Variants in VWA3B observed in about 807,000 individuals in gnomAD.
The protein encoded by VWA3B is von Willebrand factor A domain-containing protein 3B.
A neutral mutation model predicts 158.3 loss-of-function variants in VWA3B; 138 were observed. The observed-to-expected ratio is 0.87, with a 90% CI of 0.76 to 1.00. The LOEUF (loss-of-function observed/expected upper bound fraction) is 1.00. Ranked by LOEUF, VWA3B falls within the 50% of genes least tolerant of loss-of-function variation. The pLI, the probability that VWA3B is intolerant of heterozygous loss-of-function variation, is 0.00. For missense variants in VWA3B, 1,555 were observed against 1,565.1 expected, an observed-to-expected ratio of 0.99 and a Z score of 0.11; for synonymous variants, 596 against 587.3, an observed-to-expected ratio of 1.01 and a Z score of -0.21.
chr2:98,115,513 A>T, intron 2 of VWA3B, 139 bp from the exon 3 acceptor site: 1 of 649,258 alleles, frequency 1.5e-6, no homozygotes, highest in Non-Finnish European at 2.7e-6. Context: ...CATGATTTAG[A>T]ACAGAATAGA....
In VWA3B at chr2:98,303,683, T is replaced by C; in HGVS notation, c.3421-19T>C. 1 of 1,609,340 alleles carries C rather than the reference T, an allele frequency of 6.2e-7. No individual in the cohort carries two copies. Among genetic ancestry groups the C allele is most frequent in the South Asian group, 1.1e-5 (1 of 90,968 alleles). On this transcript the variant is annotated intron_variant, in intron 25 of 27. Coordinates refer to ENST00000477737, the MANE Select transcript of VWA3B (RefSeq NM_144992.5). ...CATTTCTGATTTAAGTTGAGTGAAC[T>C]CTGTTGGTATTATTACAGGAATTTT...
chr2:98,177,847 C>T (rs1428449939), intron 8 of VWA3B, among the ~76,000 whole-genome samples: 2 of 152,084 alleles, frequency 1.3e-5, no homozygotes, highest in African/African-American at 4.8e-5. Flanking sequence ...TGAATTTATA[C>T]TTGATAGAGG....
chr2:98,161,530 T>C (rs1678578611), intron 7 of VWA3B, among the ~76,000 whole-genome samples: 1 of 152,226 alleles, frequency 6.6e-6, no homozygotes, highest in South Asian at 2.1e-4. Flanking sequence ...CAGAAGGATG[T>C]GCTGAGATGA....
At chr2:98,159,924 C>A (rs1055922583) in intron 7 of VWA3B, among the ~76,000 whole-genome samples, 8 of 151,452 alleles carry the variant, frequency 5.3e-5, no homozygotes, top group African/African-American at 1.9e-4. Context: ...GCACAAGAAT[C>A]GCTTTAACCT....
At chr2:98,230,291 T>C in intron 16 of VWA3B, 84 bp downstream of exon 16, 1 of 1,326,746 alleles carries the variant, frequency 7.5e-7, no homozygotes, top group East Asian at 2.6e-5. Context: ...CACATAATAT[T>C]TTTAAGAAGC....
chr2:98,096,064 A>G (rs1441953545), intron 2 of VWA3B, among the ~76,000 whole-genome samples: 1 of 152,062 alleles, frequency 6.6e-6, no homozygotes, highest in East Asian at 1.9e-4. Context: ...CATCAGGGGT[A>G]TTGGCCTGTA....
At chr2:98,288,913 T>G (rs1689326740) in intron 22 of VWA3B, among the ~76,000 whole-genome samples, 1 of 152,214 alleles carries the variant, frequency 6.6e-6, no homozygotes, top group Non-Finnish European at 1.5e-5. Flanking sequence ...GAGCTACACT[T>G]AAACCATCGT....
At chr2:98,184,810 C>T (rs1242947804) in intron 9 of VWA3B, among the ~76,000 whole-genome samples, 1 of 152,228 alleles carries the variant, frequency 6.6e-6, no homozygotes, top group Non-Finnish European at 1.5e-5. Context: ...GGCCTCCTTG[C>T]TCCTGTTTTC....
At chr2:98,136,804 A>T (rs1176541661) in intron 7 of VWA3B, among the ~76,000 whole-genome samples, 1 of 151,990 alleles carries the variant, frequency 6.6e-6, no homozygotes, top group Non-Finnish European at 1.5e-5. Context: ...CATTTGTCCC[A>T]CCCTCACCCC....
chr2:98,252,384 C>T (rs974166094), intron 20 of VWA3B, among the ~76,000 whole-genome samples: 5 of 152,150 alleles, frequency 3.3e-5, no homozygotes, highest in African/African-American at 1.2e-4. Context: ...CATTCACATT[C>T]TAATGTAGTT....
At chr2:98,181,327 G>A (rs1176640276) in intron 9 of VWA3B, 115 bp downstream of exon 9, 3 of 1,146,212 alleles carry the variant, frequency 2.6e-6, no homozygotes, top group Non-Finnish European at 3.7e-6. Flanking sequence ...AAACCAGCTT[G>A]GGTTTCTGTG....
intron 11 of VWA3B, among the ~76,000 whole-genome samples, chr2:98,193,837 C>G (rs1037040918): frequency 2.6e-5 from 4 of 151,980 alleles, no homozygotes; most frequent in Non-Finnish European, 4.4e-5. Flanking sequence ...ATCCGCCCGC[C>G]TCGGCCTCCC....
rs926306735 is a variant in VWA3B, at chr2:98,250,360, A to G, written c.2716A>G (p.Thr906Ala). The change falls in exon 20 of 28, where the codon ACA becomes GCA. Residue 906 changes from threonine (T) to alanine (A), a missense_variant. By Grantham distance (58) the Thr-to-Ala change is moderately conservative (BLOSUM62 0). Coordinates refer to ENST00000477737, the MANE Select transcript of VWA3B (RefSeq NM_144992.5). ...AHVCNDTNKM[T>A]LINPQGAKLN... The stretch of plus-strand genomic sequence containing the variant: ...TGTGTGCAACGACACAAATAAGATG[A>G]CATTAATTAACCCCCAAGGAGCCAA... 1 of 1,613,564 alleles carries G rather than the reference A, an allele frequency of 6.2e-7. No individual in the cohort carries two copies. The highest frequency in any genetic ancestry group is 8.5e-7 in the Non-Finnish European group (1 of 1,179,856).
At chr2:98,217,731 C>T (rs1684147239) in intron 13 of VWA3B, 115 bp from the exon 14 acceptor site, 7 of 966,594 alleles carry the variant, frequency 7.2e-6, no homozygotes, top group Non-Finnish European at 1.0e-5. Context: ...CCACTCACCA[C>T]TGTATACAGA....
intron 7 of VWA3B, among the ~76,000 whole-genome samples, chr2:98,158,216 GA>G (rs1420199755): frequency 6.6e-6 from 1 of 152,044 alleles, no homozygotes; most frequent in African/African-American, 2.4e-5. Context: ...GAAAATACTA[GA>G]TAGAACCTGG....
chr2:98,126,504 TA>T (rs1384032634), intron 5 of VWA3B, among the ~76,000 whole-genome samples: 31 of 152,096 alleles, frequency 2.0e-4, no homozygotes, highest in African/African-American at 7.2e-4. Flanking sequence ...CTCGGATAAA[TA>T]ATAGGCCTGC....
chr2:98,119,675 C>G lies in VWA3B; in HGVS notation c.454C>G (p.Leu152Val), dbSNP rs755377390. The G allele has an allele frequency of 1.2e-6, 2 of 1,614,068 alleles. No individual in the cohort carries two copies. The highest frequency in any genetic ancestry group is 4.5e-5 in the East Asian group (2 of 44,874). The change falls in exon 4 of 28, where the codon CTG (leucine) becomes GTG (valine). Residue 152 changes from leucine to valine, a missense_variant. Leu to Val is a conservative substitution (Grantham distance 32). Coordinates refer to ENST00000477737, the MANE Select transcript of VWA3B (RefSeq NM_144992.5). The stretch of plus-strand genomic sequence containing the variant: ...CATAGTGCTGGATTTTGGCGGCATT[C>G]TGGAGGGGGAGCTTGATCTGTGCCG... ...VTIVLDFGGILEGELDLCREA... is the reference protein window; with the variant it reads ...VTIVLDFGGIVEGELDLCREA...
chr2:98,298,571 A>T (rs1303846010), intron 24 of VWA3B, among the ~76,000 whole-genome samples: 1 of 152,170 alleles, frequency 6.6e-6, no homozygotes, highest in Non-Finnish European at 1.5e-5. Context: ...TCAGACGGTG[A>T]TACCGTAATG....
chr2:98,217,932 A>C lies in VWA3B; in HGVS notation c.1923A>C (p.Ala641=), dbSNP rs1423762290. The part of the protein sequence containing the change: ...TISFNYNDEI[A]NRFLKEVAAL... ...CCTTCAATTACAATGATGAGATTGC[A>C]AACAGGTTTTTGAAAGAGGTTGCTG... The change falls in exon 14 of 28, where the codon GCA becomes GCC. Residue 641 remains alanine (A), a synonymous_variant. Transcript: ENST00000477737. 1.9e-6 allele frequency: 3 copies of C among 1,613,552 alleles called. No individual in the cohort carries two copies. The highest frequency in any genetic ancestry group is 2.5e-6 in the Non-Finnish European group (3 of 1,179,820).
Sources: allele counts gnomAD v4.1 joint callset (sites outside exome capture counted in the v4.1 genomes callset), GRCh38; gene constraint gnomAD v4.1.1; transcripts MANE v1.5; gene names NCBI Gene and HGNC (gene_info 2026-07-23, HGNC 2026-07-21).